The following ITIH3 variants were observed in gnomAD, a reference collection of about 807,000 sequenced individuals.
ITIH3 encodes the protein inter-alpha-trypsin inhibitor heavy chain H3.
A neutral mutation model predicts 96.5 loss-of-function variants in ITIH3; 81 were observed. The observed-to-expected ratio is 0.84, with a 90% CI of 0.70 to 1.01. The LOEUF (loss-of-function observed/expected upper bound fraction) is 1.01, where lower values mean the gene tolerates loss of function less well. Ranked by LOEUF, ITIH3 falls within the 50% of genes least tolerant of loss-of-function variation. The pLI, the probability that ITIH3 is intolerant of heterozygous loss-of-function variation, is 0.00. For synonymous variants in ITIH3, 422 were observed against 445.2 expected, an observed-to-expected ratio of 0.95 and a Z score of 0.66; for missense variants, 1,057 against 1,139.3, an observed-to-expected ratio of 0.93 and a Z score of 1.04.
Position 52,802,378 on chromosome 3 carries a change from G to T in ITIH3, c.1428G>T (p.Glu476Asp). Residue 476 changes from glutamate (E) to aspartate (D), a missense_variant, in exon 12 of 22, where the codon GAG (glutamate) becomes GAT (aspartate). Coordinates refer to ENST00000449956, the MANE Select transcript of ITIH3 (RefSeq NM_002217.4). ...CCAACCCACTGCTGACGGGTGTGGA[G>T]ATGGAGTACCCCGAGAACGCTATCC... ...EVANPLLTGV[E>D]MEYPENAILD... 1 of 1,613,994 alleles carries T rather than the reference G, an allele frequency of 6.2e-7. No individual in the cohort carries two copies. Among genetic ancestry groups the T allele is most frequent in the Non-Finnish European group, 8.5e-7 (1 of 1,179,888 alleles).
intron 20 of ITIH3, 97 bp downstream of exon 20, chr3:52,808,013 C>T: frequency 6.4e-7 from 1 of 1,569,102 alleles, no homozygotes; most frequent in Non-Finnish European, 8.7e-7. Flanking sequence ...CAGCTCACAA[C>T]ACCCCATTCA....
At chr3:52,796,260 A>G (rs1699576060) in intron 2 of ITIH3, among the ~76,000 whole-genome samples, 1 of 152,170 alleles carries the variant, frequency 6.6e-6, no homozygotes, top group African/African-American at 2.4e-5. Context: ...AACGGATCGC[A>G]GAATTAAGGA....
At position 52,799,903 on chromosome 3, in the gene ITIH3, A is replaced by C; in HGVS notation, c.1057A>C (p.Ser353Arg). Residue 353 changes from serine (S) to arginine (R), a missense_variant, in exon 9 of 22, where the codon AGC (serine) becomes CGC (arginine). Physicochemically the swap from Ser to Arg is moderately radical, Grantham distance 110. Coordinates refer to ENST00000449956, the MANE Select transcript of ITIH3 (RefSeq NM_002217.4). ...CCAGGAGGCCAGGACGTTTGTGAAG[A>C]GCATGGAGGATAAAGGAAGTAAGAG... Reference protein sequence around the residue: ...NLQEARTFVKSMEDKGMTNIN... With the variant: ...NLQEARTFVKRMEDKGMTNIN... 1 of 1,613,762 alleles carries C rather than the reference A, an allele frequency of 6.2e-7. No individual in the cohort carries two copies. The highest frequency in any genetic ancestry group is 8.5e-7 in the Non-Finnish European group (1 of 1,179,782).
At chr3:52,797,002 G>A in intron 4 of ITIH3, 103 bp from the exon 5 acceptor site, 1 of 1,402,356 alleles carries the variant, frequency 7.1e-7, no homozygotes, top group Non-Finnish European at 9.7e-7. Flanking sequence ...GCTCAGAATG[G>A]TTAGGGATCT....
Position 52,808,551 on chromosome 3 carries a change from G to C in ITIH3, c.2544-1G>C. 6.2e-7 allele frequency: 1 copy of C among 1,613,138 alleles called. No individual in the cohort carries two copies. The highest frequency in any genetic ancestry group is 8.5e-7 in the Non-Finnish European group (1 of 1,179,216). On this transcript the variant is annotated splice_acceptor_variant, in intron 21 of 21. Coordinates refer to ENST00000449956, the MANE Select transcript of ITIH3 (RefSeq NM_002217.4). LOFTEE classifies it high-confidence loss of function. ...TTGCAGCATCTCTCTTCTTTCCCCA[G>C]GGGCTCCCAGAAAGACTACAGAAAG...
chr3:52,803,869 G>A lies in ITIH3; in HGVS notation c.1724G>A (p.Gly575Asp). The part of the protein sequence containing the change: ...QLLEKRKNAH[G>D]EEKENLTARA... Reference sequence around the variant, plus strand: ...CCTCCTCACAGCAAGAACGCCCATGGCGAGGAGAAGGAGAACCTCACGGCC... The same window carrying A: ...CCTCCTCACAGCAAGAACGCCCATGACGAGGAGAAGGAGAACCTCACGGCC... Residue 575 changes from glycine to aspartate, a missense_variant, in exon 14 of 22, where the codon GGC (glycine) becomes GAC (aspartate). Gly to Asp is a moderately conservative substitution (Grantham distance 94). Coordinates refer to ENST00000449956, the MANE Select transcript of ITIH3 (RefSeq NM_002217.4). The A allele has an allele frequency of 6.2e-7, 1 of 1,614,002 alleles. No individual in the cohort carries two copies. The highest frequency in any genetic ancestry group is 8.5e-7 in the Non-Finnish European group (1 of 1,179,894).
At position 52,802,823 on chromosome 3, in the gene ITIH3, C is replaced by T; in HGVS notation, c.1709+17C>T. On this transcript the variant is annotated intron_variant, in intron 13 of 21. Transcript: ENST00000449956. ...GGAGAAGCGGTGAGCAGAGTCCCAGCCCCCACCTGTGCCTACCCCTGGCTG... is the reference window on the plus strand; with the variant it reads ...GGAGAAGCGGTGAGCAGAGTCCCAGTCCCCACCTGTGCCTACCCCTGGCTG... The T allele has an allele frequency of 1.2e-6, 2 of 1,613,066 alleles. No homozygotes were observed. Among genetic ancestry groups the T allele is most frequent in the South Asian group, 1.1e-5 (1 of 90,954 alleles).
chr3:52,795,024 G>A, intron 1 of ITIH3, 128 bp downstream of exon 1: 2 of 764,254 alleles, frequency 2.6e-6, no homozygotes, highest in Non-Finnish European at 4.5e-6. Context: ...TGGGAGTAGT[G>A]TGGACACTGG....
intron 11 of ITIH3, 45 bp downstream of exon 11, chr3:52,801,191 TTCC>T: frequency 6.8e-7 from 1 of 1,460,454 alleles, no homozygotes. Flanking sequence ...AGCTCACTAC[TTCC>T]TCAGACAGCT....
intron 15 of ITIH3, chr3:52,805,306 G>A (rs965967307): frequency 2.0e-6 from 2 of 1,006,008 alleles, no homozygotes; most frequent in Admixed American, 5.4e-5. Context: ...CCTCCATTTG[G>A]ACTGGCACAT....
At chr3:52,802,878 A>G (rs1321527677) in intron 13 of ITIH3, 72 bp downstream of exon 13, 1 of 1,556,662 alleles carries the variant, frequency 6.4e-7, no homozygotes, top group Non-Finnish European at 8.8e-7. Context: ...CCCCATACGC[A>G]GTCCCAGCGG....
At chr3:52,805,690 C>G in intron 15 of ITIH3, 118 bp from the exon 16 acceptor site, 1 of 1,545,102 alleles carries the variant, frequency 6.5e-7, no homozygotes, top group Non-Finnish European at 8.7e-7. Context: ...ATCTCCACCT[C>G]TATCTGCCAG....
chr3:52,795,295 A>G (rs1699535846), intron 1 of ITIH3, among the ~76,000 whole-genome samples: 1 of 152,152 alleles, frequency 6.6e-6, no homozygotes, highest in African/African-American at 2.4e-5. Context: ...AGGGAAAGGC[A>G]GAATGGGAGA....
intron 14 of ITIH3, chr3:52,804,386 T>C (rs4687552): frequency 0.34 from 143,396 of 424,912 alleles, 25,510 homozygotes; most frequent in Admixed American, 0.45. Flanking sequence ...AGGGGAAGAG[T>C]CCCTGAGAGC....
chr3:52,795,744 C>A (rs1488157497), intron 2 of ITIH3, 121 bp downstream of exon 2: 5 of 956,210 alleles, frequency 5.2e-6, no homozygotes, highest in Non-Finnish European at 7.9e-6. Context: ...CAGCTTACGG[C>A]CCTCTGCCCT....
At position 52,803,972 on chromosome 3, in the gene ITIH3, C is replaced by T. The variant is rs375386244; in HGVS notation, c.1827C>T (p.Asn609=). Residue 609 remains asparagine (N), a synonymous_variant, in exon 14 of 22, where the codon AAC becomes AAT. Transcript: ENST00000449956. ...TSMVVTKPED[N]EDERAIADKP... Reference sequence around the variant, plus strand: ...TGGTGGTGACCAAGCCTGAGGACAACGAGGATGAGAGGGCCATTGCCGACA... The same window carrying T: ...TGGTGGTGACCAAGCCTGAGGACAATGAGGATGAGAGGGCCATTGCCGACA... The T allele has an allele frequency of 1.5e-5, 24 of 1,613,574 alleles. No homozygotes were observed. The highest frequency in any genetic ancestry group is 1.6e-4 in the Middle Eastern group (1 of 6,084).
intron 11 of ITIH3, chr3:52,802,114 T>TA: frequency 4.3e-6 from 2 of 468,208 alleles, no homozygotes; most frequent in Admixed American, 7.5e-5. Context: ...TAATAGGAAA[T>TA]ACTTCTGAAA....
intron 4 of ITIH3, 21 bp downstream of exon 4, chr3:52,796,864 C>T (rs1241183661): frequency 6.6e-7 from 1 of 1,521,930 alleles, no homozygotes; most frequent in South Asian, 1.2e-5. Context: ...ACTCCCAGGC[C>T]TTGGGGAGAA....
At chr3:52,806,174 G>A (rs375633126) in intron 17 of ITIH3, 36 bp downstream of exon 17, 1 of 1,599,558 alleles carries the variant, frequency 6.3e-7, no homozygotes, top group African/African-American at 1.3e-5. Context: ...AGGCTCAGGG[G>A]CCTGGGCACG....
Sources: gnomAD v4.1 joint callset for allele counts (sites outside exome capture counted in the v4.1 genomes callset) on GRCh38, gnomAD v4.1.1 for gene constraint, MANE v1.5 for transcripts, NCBI Gene and HGNC (gene_info 2026-07-23, HGNC 2026-07-21) for gene names.